ARHGEF9: variants seen among roughly 807,000 people sequenced by gnomAD.
ARHGEF9 encodes the protein Cdc42 guanine nucleotide exchange factor 9.
ARHGEF9 carries 2 observed loss-of-function variants against 41.3 expected under a neutral mutation model. That is an observed-to-expected ratio of 0.05 (90% confidence interval 0.02 to 0.15). ARHGEF9 has a LOEUF of 0.15. ARHGEF9 is among the 10% of genes least tolerant of loss of function. The pLI is 1.00. For missense variants in ARHGEF9, 225 were observed against 424.7 expected (o/e 0.53, Z 4.13); for synonymous variants, 160 against 154.4 (o/e 1.04, Z -0.27).
At chrX:63,691,006 A>G (rs1433741514) in intron 4 of ARHGEF9, among the ~76,000 whole-genome samples, 6 of 111,556 alleles carry the variant, frequency 5.4e-5, no homozygotes, top group Non-Finnish European at 1.1e-4. Context: ...GCCATATATC[A>G]CAAACCCACA....
chrX:63,721,428 C>T (rs2053627310), intron 2 of ARHGEF9, among the ~76,000 whole-genome samples: 1 of 111,172 alleles, frequency 9.0e-6, no homozygotes, highest in Non-Finnish European at 1.9e-5. Flanking sequence ...AAGCTCTTTA[C>T]TTTCTGACCA....
chrX:63,637,576 T>G lies in ARHGEF9; in HGVS notation c.*452A>C, dbSNP rs1359975227. 3 of 226,580 alleles carry G rather than the reference T, an allele frequency of 1.3e-5. No individual in the cohort carries two copies. Among genetic ancestry groups the G allele is most frequent in the Admixed American group, 7.1e-5 (1 of 14,058 alleles). 18.7% of individuals were successfully genotyped at this position (226,580 alleles called of 1,213,427 possible). A position where few individuals can be genotyped will look rare whatever the true frequency, so the allele number is the denominator to read the frequency against. ...AAATAAAATTAAAAATTCATCAACA[T>G]CAGTATCATCAGAAAAAAAACAATA... On this transcript the variant is annotated 3_prime_UTR_variant, in exon 10 of 10. Coordinates refer to ENST00000671741, the MANE Select transcript of ARHGEF9 (RefSeq NM_001353921.2).
At chrX:63,779,311 A>C (rs782032015) in intron 1 of ARHGEF9, among the ~76,000 whole-genome samples, 2 of 112,609 alleles carry the variant, frequency 1.8e-5, no homozygotes, top group African/African-American at 6.5e-5. Flanking sequence ...ATAAAGAAAA[A>C]TAGGTTTAAT....
In ARHGEF9 at chrX:63,675,262, A is replaced by G. The variant is rs1307162409; in HGVS notation, c.816-1095T>C. 6.2e-5 allele frequency among the ~76,000 whole-genome samples: 7 copies of G among 112,048 alleles called. No homozygotes were observed. The Admixed American group carries it at 6.6e-4, about 11-fold the overall frequency. The stretch of plus-strand genomic sequence containing the variant: ...TATCTGATACAGCCAGCCAAGGACC[A>G]AGAAGGGAGCCTCACACATGACACA... On this transcript the variant is annotated intron_variant, in intron 5 of 9. Coordinates refer to ENST00000671741, the MANE Select transcript of ARHGEF9 (RefSeq NM_001353921.2).
rs1291879325 is a variant in ARHGEF9, at chrX:63,676,885, A to G, written c.815+1455T>C. ...ACTCAAGTAGTCACATGTGGTGGGT[A>G]ACTACTATATTGAATAACACAAATA... On this transcript the variant is annotated intron_variant, in intron 5 of 9. Coordinates refer to ENST00000671741, the MANE Select transcript of ARHGEF9 (RefSeq NM_001353921.2). Among the ~76,000 whole-genome samples the G allele has an allele frequency of 5.3e-5, 6 of 112,454 alleles. No homozygotes were observed. In the Admixed American group the frequency reaches 5.6e-4, roughly 11 times the overall value.
In ARHGEF9 at chrX:63,655,476, T is replaced by C. The variant is rs1556334553; in HGVS notation, c.1321+18A>G. ...TTCTTCATAGCCATGTTCTTCTTTC[T>C]ACTCTCAGGTCACTTACCAATTTTT... On this transcript the variant is annotated intron_variant, in intron 8 of 9. Coordinates refer to ENST00000671741, the MANE Select transcript of ARHGEF9 (RefSeq NM_001353921.2). 2 of 1,211,054 alleles carry C rather than the reference T, an allele frequency of 1.7e-6. No homozygotes were observed. Among genetic ancestry groups the C allele is most frequent in the Admixed American group, 4.3e-5 (2 of 46,020 alleles).
intron 1 of ARHGEF9, among the ~76,000 whole-genome samples, chrX:63,741,199 T>C (rs1239345116): frequency 3.5e-5 from 4 of 112,965 alleles, no homozygotes; most frequent in African/African-American, 1.3e-4. Flanking sequence ...TCAAGCTTTC[T>C]GCATTGATCA....
intron 1 of ARHGEF9, among the ~76,000 whole-genome samples, chrX:63,782,850 G>T (rs2056404124): frequency 8.9e-6 from 1 of 112,441 alleles, no homozygotes; most frequent in South Asian, 3.6e-4. Context: ...ATTAACATCC[G>T]CATTTAATAG....
chrX:63,750,939 A>G (rs1556440230), intron 1 of ARHGEF9, among the ~76,000 whole-genome samples: 1 of 111,470 alleles, frequency 9.0e-6, no homozygotes, highest in African/African-American at 3.3e-5. Context: ...AAGTCCCACT[A>G]GGCTCTAGTC....
intron 1 of ARHGEF9, chrX:63,767,309 A>G (rs1258607813): frequency 1.5e-6 from 1 of 689,583 alleles, no homozygotes; most frequent in African/African-American, 2.1e-5. Flanking sequence ...GAAAATTTTG[A>G]TGAGGCTTCC....
intron 8 of ARHGEF9, among the ~76,000 whole-genome samples, chrX:63,652,809 T>C (rs1450547028): frequency 9.0e-6 from 1 of 110,783 alleles, no homozygotes; most frequent in Non-Finnish European, 1.9e-5. Flanking sequence ...AGGGGCCTAG[T>C]GGGAGGTGAT....
chrX:63,658,244 TCTCCCTGGTC>T (rs1244384219), intron 7 of ARHGEF9, among the ~76,000 whole-genome samples: 1 of 112,063 alleles, frequency 8.9e-6, no homozygotes, highest in African/African-American at 3.2e-5. Flanking sequence ...CTTTGCCTGT[TCTCCCTGGTC>T]CCCCAGAGGG....
chrX:63,638,262 C>T, intron 9 of ARHGEF9, 53 bp from the exon 10 acceptor site: 1 of 1,082,550 alleles, frequency 9.2e-7, no homozygotes, highest in Non-Finnish European at 1.3e-6. Context: ...TAACAAAGGG[C>T]TTCTCAAATT....
chrX:63,746,786 C>CT (rs1388739957), intron 1 of ARHGEF9, among the ~76,000 whole-genome samples: 5 of 112,063 alleles, frequency 4.5e-5, no homozygotes, highest in Admixed American at 9.4e-5. Context: ...GGTATTATAT[C>CT]TATGAGAGGC....
rs1227897642 is a variant in ARHGEF9, at chrX:63,656,222, G to A, written c.1078-485C>T. Among the ~76,000 whole-genome samples the A allele has an allele frequency of 2.7e-5, 3 of 111,036 alleles. No homozygotes were observed. The East Asian group carries it at 8.5e-4, about 32-fold the overall frequency. On this transcript the variant is annotated intron_variant, in intron 7 of 9. Transcript: ENST00000671741. ...ACTGCTGGCAAAGGATTACCTAGGG[G>A]GGGTCTAACACTTAGCACTCTGGGG...
chrX:63,688,475 A>G (rs782312729), intron 4 of ARHGEF9, among the ~76,000 whole-genome samples: 1 of 112,810 alleles, frequency 8.9e-6, no homozygotes, highest in African/African-American at 3.2e-5. Context: ...AGAATAAACT[A>G]TGCAGACAAA....
intron 4 of ARHGEF9, among the ~76,000 whole-genome samples, chrX:63,696,486 C>T (rs1556388185): frequency 9.0e-6 from 1 of 111,465 alleles, no homozygotes; most frequent in Non-Finnish European, 1.9e-5. Flanking sequence ...TCGTCACTAT[C>T]CTGTTTCCCA....
At chrX:63,717,238 C>G (rs1259114112) in intron 2 of ARHGEF9, among the ~76,000 whole-genome samples, 2 of 112,545 alleles carry the variant, frequency 1.8e-5, no homozygotes, top group African/African-American at 6.5e-5. Context: ...TGGAAGCTAA[C>G]TGCTGATGTA....
intron 1 of ARHGEF9, among the ~76,000 whole-genome samples, chrX:63,751,363 T>C (rs1358527702): frequency 1.8e-5 from 2 of 111,407 alleles, no homozygotes; most frequent in East Asian, 2.8e-4. Flanking sequence ...TCAAAATGCA[T>C]AGGGTTCCGC....
Sources: allele counts gnomAD v4.1 joint callset (sites outside exome capture counted in the v4.1 genomes callset), GRCh38; gene constraint gnomAD v4.1.1; transcripts MANE v1.5; gene names NCBI Gene and HGNC (gene_info 2026-07-23, HGNC 2026-07-21).